The following NEGR1 variants were observed in gnomAD, a reference collection of about 807,000 sequenced individuals.
The protein encoded by NEGR1 is neuronal growth regulator 1.
Under a neutral mutation model 40.9 loss-of-function variants are expected in NEGR1, and 10 were observed. The ratio of observed to expected loss-of-function variants is 0.24; its 90% CI spans 0.15 to 0.42. The LOEUF (loss-of-function observed/expected upper bound fraction) is 0.42, where lower values mean the gene tolerates loss of function less well. Among genes scored for constraint, NEGR1 ranks in the 10% least tolerant of loss-of-function variants. NEGR1 has a pLI of 1.00. For synonymous variants in NEGR1, 185 were observed against 166.8 expected (o/e 1.11, Z -0.84); for missense variants, 352 against 438.9 (o/e 0.80, Z 1.77).
At chr1:72,146,800 G>C (rs1020694497) in intron 1 of NEGR1, among the ~76,000 whole-genome samples, 2 of 152,156 alleles carry the variant, frequency 1.3e-5, no homozygotes, top group African/African-American at 4.8e-5. Flanking sequence ...TTAATTTGCT[G>C]TTTTAACACC....
At chr1:71,976,373 T>C (rs1646304060) in intron 1 of NEGR1, among the ~76,000 whole-genome samples, 1 of 152,206 alleles carries the variant, frequency 6.6e-6, no homozygotes, top group Non-Finnish European at 1.5e-5. Flanking sequence ...GGTGGGTGTC[T>C]TAGATATTAC....
chr1:71,955,984 CATT>C (rs138460827), intron 1 of NEGR1, among the ~76,000 whole-genome samples: 3,499 of 152,228 alleles, frequency 0.023, 123 homozygotes, highest in African/African-American at 0.079. Context: ...TTGAAGACAT[CATT>C]AATATGGATA....
intron 4 of NEGR1, among the ~76,000 whole-genome samples, chr1:71,667,570 T>C (rs2101596207): frequency 6.6e-6 from 1 of 152,188 alleles, no homozygotes; most frequent in Non-Finnish European, 1.5e-5. Flanking sequence ...TAGTACAGAG[T>C]TTCTGGGAAG....
chr1:71,652,865 G>GAA (rs1009288097), intron 4 of NEGR1, among the ~76,000 whole-genome samples: 3 of 143,908 alleles, frequency 2.1e-5, no homozygotes, highest in African/African-American at 7.6e-5. Context: ...TCTCATCTCA[G>GAA]AAAAAAAAAA....
intron 1 of NEGR1, among the ~76,000 whole-genome samples, chr1:72,049,638 T>C (rs184581960): frequency 3.2e-4 from 48 of 151,212 alleles, no homozygotes; most frequent in African/African-American, 1.0e-3. Context: ...CCATTGTCAT[T>C]GTACACATTG....
chr1:71,979,993 C>T (rs1646340602), intron 1 of NEGR1, among the ~76,000 whole-genome samples: 1 of 152,038 alleles, frequency 6.6e-6, no homozygotes, highest in South Asian at 2.1e-4. Context: ...ATATTGTTAA[C>T]CATTTCAGAG....
At position 71,709,240 on chromosome 1, in the gene NEGR1, C is replaced by G. The variant is rs1388010647; in HGVS notation, c.536-11101G>C. Among the ~76,000 whole-genome samples the G allele has an allele frequency of 3.3e-5, 5 of 152,146 alleles. No homozygotes were observed. The South Asian group carries it at 6.2e-4, about 19-fold the overall frequency. On this transcript the variant is annotated intron_variant, in intron 3 of 6. Coordinates refer to ENST00000357731, the MANE Select transcript of NEGR1 (RefSeq NM_173808.3). Reference sequence around the variant, plus strand: ...GAACAAGAGCCTCTTTCTGGCAATTCAGAGAATTCTCTGCGGAGAATTTTG... The same window carrying G: ...GAACAAGAGCCTCTTTCTGGCAATTGAGAGAATTCTCTGCGGAGAATTTTG...
At chr1:71,469,946 A>AT (rs772563508) in intron 6 of NEGR1, among the ~76,000 whole-genome samples, 12 of 152,140 alleles carry the variant, frequency 7.9e-5, no homozygotes, top group Non-Finnish European at 1.5e-4. Context: ...AAATTACAAA[A>AT]TATGGACACA....
At chr1:72,136,912 A>C (rs1433042731) in intron 1 of NEGR1, among the ~76,000 whole-genome samples, 1 of 152,132 alleles carries the variant, frequency 6.6e-6, no homozygotes, top group Non-Finnish European at 1.5e-5. Flanking sequence ...AAAAACAAAC[A>C]ACCCCATCAA....
intron 6 of NEGR1, among the ~76,000 whole-genome samples, chr1:71,508,210 C>G (rs1456235875): frequency 6.6e-6 from 1 of 152,096 alleles, no homozygotes; most frequent in Admixed American, 6.5e-5. Context: ...AAGACAAGCT[C>G]CACCCAAGCA....
At chr1:71,550,773 G>A (rs796880735) in intron 6 of NEGR1, among the ~76,000 whole-genome samples, 3 of 151,678 alleles carry the variant, frequency 2.0e-5, no homozygotes, top group African/African-American at 7.2e-5. Context: ...TCTACCCATA[G>A]GGTAAGGGCA....
At chr1:71,716,789 C>T (rs1043970031) in intron 3 of NEGR1, among the ~76,000 whole-genome samples, 2 of 152,142 alleles carry the variant, frequency 1.3e-5, no homozygotes, top group African/African-American at 4.8e-5. Context: ...GGCCTTTCTA[C>T]ATTCTATCCC....
intron 2 of NEGR1, among the ~76,000 whole-genome samples, chr1:71,838,576 C>G (rs1171375400): frequency 6.6e-6 from 1 of 152,020 alleles, no homozygotes; most frequent in Non-Finnish European, 1.5e-5. Context: ...TACTGATCAG[C>G]TAAGTAGGAA....
At chr1:71,587,728 T>C (rs1007031162) in intron 6 of NEGR1, among the ~76,000 whole-genome samples, 1 of 151,952 alleles carries the variant, frequency 6.6e-6, no homozygotes, top group Admixed American at 6.6e-5. Flanking sequence ...GTAGAACCTA[T>C]ACTACAGTAA....
intron 1 of NEGR1, among the ~76,000 whole-genome samples, chr1:72,013,922 T>A (rs914605655): frequency 7.3e-6 from 1 of 136,784 alleles, no homozygotes. Flanking sequence ...TAAGAAAGTG[T>A]GTGGGAAGAA....
chr1:71,456,774 T>C (rs900309688), intron 6 of NEGR1, among the ~76,000 whole-genome samples: 1 of 152,234 alleles, frequency 6.6e-6, no homozygotes, highest in Non-Finnish European at 1.5e-5. Flanking sequence ...AATTTTGCCA[T>C]GTATCGCTAT....
At chr1:72,187,530 T>A (rs1652655984) in intron 1 of NEGR1, among the ~76,000 whole-genome samples, 1 of 151,504 alleles carries the variant, frequency 6.6e-6, no homozygotes, top group Non-Finnish European at 1.5e-5. Flanking sequence ...GGGCTCAGCC[T>A]ATAAGACTTT....
At chr1:71,588,524 T>G (rs1649384663) in intron 6 of NEGR1, among the ~76,000 whole-genome samples, 1 of 152,168 alleles carries the variant, frequency 6.6e-6, no homozygotes, top group Non-Finnish European at 1.5e-5. Context: ...CTAGCTTTCC[T>G]GTAGTTTTTC....
At chr1:72,138,470 C>A in intron 1 of NEGR1, among the ~76,000 whole-genome samples, 1 of 150,732 alleles carries the variant, frequency 6.6e-6, no homozygotes. Context: ...ATATGTGCTG[C>A]CAAGAAGAAA....
Sources: gnomAD v4.1 joint callset for allele counts (sites outside exome capture counted in the v4.1 genomes callset) on GRCh38, gnomAD v4.1.1 for gene constraint, MANE v1.5 for transcripts, NCBI Gene and HGNC (gene_info 2026-07-23, HGNC 2026-07-21) for gene names.